The following UTRN variants were observed in gnomAD, a reference collection of about 807,000 sequenced individuals.
UTRN encodes the protein dystrophin-related protein 1.
Under a neutral mutation model 463.9 loss-of-function variants are expected in UTRN, and 283 were observed. That is an observed-to-expected ratio of 0.61 (90% confidence interval 0.55 to 0.67). UTRN has a LOEUF of 0.67. UTRN is among the 30% of genes least tolerant of loss of function. The pLI, the probability that UTRN is intolerant of heterozygous loss-of-function variation, is 0.00. For missense variants in UTRN, 3,922 were observed against 4,084.3 expected, an observed-to-expected ratio of 0.96 and a Z score of 1.08; for synonymous variants, 1,442 against 1,431.5, an observed-to-expected ratio of 1.01 and a Z score of -0.17.
At chr6:144,758,532 A>G (rs1384765701) in intron 58 of UTRN, among the ~76,000 whole-genome samples, 2 of 152,168 alleles carry the variant, frequency 1.3e-5, no homozygotes, top group African/African-American at 4.8e-5. Flanking sequence ...AGTTATCTGC[A>G]TTATTAGCAT....
At chr6:144,590,472 CT>C (rs1242626210) in intron 51 of UTRN, among the ~76,000 whole-genome samples, 5 of 151,960 alleles carry the variant, frequency 3.3e-5, no homozygotes. Context: ...TAATAGCTCC[CT>C]AAGAAAGAAA....
intron 25 of UTRN, among the ~76,000 whole-genome samples, chr6:144,475,335 G>A (rs973960637): frequency 9.9e-5 from 15 of 152,204 alleles, no homozygotes; most frequent in Non-Finnish European, 1.8e-4. Flanking sequence ...ACATTCAGGC[G>A]TGGAGAATAG....
intron 51 of UTRN, among the ~76,000 whole-genome samples, chr6:144,634,397 A>T (rs779138117): frequency 5.9e-5 from 9 of 152,206 alleles, no homozygotes; most frequent in Non-Finnish European, 1.3e-4. Context: ...GGTGACAACT[A>T]GGAGACTTTA....
chr6:144,824,577 TATATATATA>T (rs1779939111), intron 66 of UTRN, among the ~76,000 whole-genome samples: 1 of 25,944 alleles, frequency 3.9e-5, no homozygotes, highest in African/African-American at 1.3e-4. Flanking sequence ...TTTATTTATA[TATATATATA>T]TATATATATA....
chr6:144,763,845 G>A (rs1010894053), intron 58 of UTRN, among the ~76,000 whole-genome samples: 3 of 152,100 alleles, frequency 2.0e-5, no homozygotes, highest in Admixed American at 2.0e-4. Flanking sequence ...AATAAACATA[G>A]CTCTCTCCAA....
At chr6:144,835,384 G>A (rs1197996406) in intron 69 of UTRN, among the ~76,000 whole-genome samples, 2 of 152,170 alleles carry the variant, frequency 1.3e-5, no homozygotes, top group African/African-American at 4.8e-5. Context: ...TACTTTCAAC[G>A]AAATTCTAAA....
chr6:144,335,999 G>C (rs1776690145), intron 2 of UTRN, among the ~76,000 whole-genome samples: 2 of 152,110 alleles, frequency 1.3e-5, no homozygotes, highest in South Asian at 2.1e-4. Flanking sequence ...CCATAGTTTA[G>C]ACAGGACTAT....
chr6:144,575,626 A>G (rs553143162), intron 50 of UTRN, among the ~76,000 whole-genome samples: 1 of 152,278 alleles, frequency 6.6e-6, no homozygotes, highest in South Asian at 2.1e-4. Flanking sequence ...CTATTTTATT[A>G]TTAGTTATTA....
At chr6:144,639,951 G>A (rs765424793) in intron 51 of UTRN, among the ~76,000 whole-genome samples, 1 of 152,136 alleles carries the variant, frequency 6.6e-6, no homozygotes, top group Non-Finnish European at 1.5e-5. Context: ...GAGAGAGGGA[G>A]GCTATTCCCA....
chr6:144,386,449 A>G (rs1425266949), intron 2 of UTRN, among the ~76,000 whole-genome samples: 1 of 152,106 alleles, frequency 6.6e-6, no homozygotes, highest in East Asian at 1.9e-4. Flanking sequence ...ACAGAGTGAG[A>G]CTCTGTCTCA....
chr6:144,689,211 A>G (rs1397666007), intron 52 of UTRN, among the ~76,000 whole-genome samples: 3 of 152,184 alleles, frequency 2.0e-5, no homozygotes, highest in African/African-American at 7.2e-5. Context: ...CCACTGTTCT[A>G]GAATGGCTGT....
chr6:144,413,040 T>C (rs1171234848), intron 3 of UTRN, among the ~76,000 whole-genome samples: 1 of 152,214 alleles, frequency 6.6e-6, no homozygotes, highest in Admixed American at 6.5e-5. Flanking sequence ...GGACAGATTC[T>C]GTCTCCCTGC....
chr6:144,396,024 C>G (rs1782373702), intron 2 of UTRN, among the ~76,000 whole-genome samples: 1 of 152,064 alleles, frequency 6.6e-6, no homozygotes, highest in Non-Finnish European at 1.5e-5. Context: ...AGCAATTTCA[C>G]TCCTGCATCT....
chr6:144,797,940 AC>A lies in UTRN; in HGVS notation c.9196del (p.His3066IlefsTer98), dbSNP rs1777372253. The A allele has an allele frequency of 6.2e-7, 1 of 1,614,036 alleles. No homozygotes were observed. The highest frequency in any genetic ancestry group is 1.3e-5 in the African/African-American group (1 of 74,924). On this transcript the variant is annotated frameshift_variant, in exon 64 of 75. Transcript: ENST00000367545. LOFTEE classifies it high-confidence loss of function. ...GAGTGGCAGCAGCGGAGACTGCAAAACATCAGGCCAAATGCAACATCTGTAA... is the reference window on the plus strand; with the variant it reads ...GAGTGGCAGCAGCGGAGACTGCAAAAATCAGGCCAAATGCAACATCTGTAA... ...HRVAAAETAK[H>X]QAKCNICKEC...
intron 28 of UTRN, 62 bp downstream of exon 28, chr6:144,485,581 A>G: frequency 6.2e-7 from 1 of 1,601,808 alleles, no homozygotes; most frequent in Non-Finnish European, 8.5e-7. Context: ...CGTGTATTAC[A>G]ATGAGGAATG....
Position 144,332,870 on chromosome 6 carries a change from C to T in UTRN, c.79+40963C>T, listed in dbSNP as rs554570729. 1.1e-3 allele frequency among the ~76,000 whole-genome samples: 165 copies of T among 151,898 alleles called. 1 individual carries two copies. The highest frequency in any genetic ancestry group is 3.7e-3 in the African/African-American group (152 of 41,440). On this transcript the variant is annotated intron_variant, in intron 2 of 74. Coordinates refer to ENST00000367545, the MANE Select transcript of UTRN (RefSeq NM_007124.3). ...TAACTTACTGAAACCTTTCAACTTA[C>T]GTAATCAGTAATGTTCTCATGCTGA... is the stretch of plus-strand genomic sequence containing the variant.
intron 2 of UTRN, among the ~76,000 whole-genome samples, chr6:144,313,808 C>A (rs1473576620): frequency 6.6e-6 from 1 of 152,150 alleles, no homozygotes; most frequent in Non-Finnish European, 1.5e-5. Flanking sequence ...TAGAGTGAGG[C>A]CCTCTAAAAG....
intron 2 of UTRN, among the ~76,000 whole-genome samples, chr6:144,373,611 T>G (rs1780198701): frequency 6.6e-6 from 1 of 152,196 alleles, no homozygotes; most frequent in South Asian, 2.1e-4. Flanking sequence ...CACAACTTTG[T>G]GCATACAGTA....
At chr6:144,846,993 TG>T (rs1159178460) in intron 74 of UTRN, among the ~76,000 whole-genome samples, 166 bp downstream of exon 74, 1 of 152,072 alleles carries the variant, frequency 6.6e-6, no homozygotes, top group Non-Finnish European at 1.5e-5. Flanking sequence ...AGTCTGGGAG[TG>T]GGGGGTGGCT....
Sources: allele counts gnomAD v4.1 joint callset (sites outside exome capture counted in the v4.1 genomes callset), GRCh38; gene constraint gnomAD v4.1.1; transcripts MANE v1.5; gene names NCBI Gene and HGNC (gene_info 2026-07-23, HGNC 2026-07-21).